Variants in RYR3 observed in about 807,000 individuals in gnomAD.
The protein encoded by RYR3 is brain ryanodine receptor-calcium release channel.
In RYR3, 207 loss-of-function variants were observed where a neutral mutation model predicts 584.3. The ratio of observed to expected loss-of-function variants is 0.35; its 90% CI spans 0.32 to 0.40. The LOEUF (loss-of-function observed/expected upper bound fraction) is 0.40. Among genes scored for constraint, RYR3 ranks in the 10% least tolerant of loss-of-function variants. The pLI is 1.00. For synonymous variants in RYR3, 2,416 were observed against 2,248.5 expected, an observed-to-expected ratio of 1.07 and a Z score of -2.11; for missense variants, 5,616 against 6,089.2, an observed-to-expected ratio of 0.92 and a Z score of 2.59.
intron 1 of RYR3, among the ~76,000 whole-genome samples, chr15:33,402,640 C>T (rs143544648): frequency 1.3e-5 from 2 of 152,326 alleles, no homozygotes; most frequent in Non-Finnish European, 2.9e-5. Flanking sequence ...AGCTTGGCTA[C>T]ATTTAAGCAC....
intron 1 of RYR3, among the ~76,000 whole-genome samples, chr15:33,405,631 A>C (rs1024256197): frequency 6.6e-6 from 1 of 152,224 alleles, no homozygotes; most frequent in African/African-American, 2.4e-5. Flanking sequence ...CTTACAAGCA[A>C]GTAAGGCACG....
At chr15:33,648,044 A>G (rs2062210080) in intron 30 of RYR3, among the ~76,000 whole-genome samples, 1 of 150,792 alleles carries the variant, frequency 6.6e-6, no homozygotes, top group Non-Finnish European at 1.5e-5. Context: ...CCCTTCTGTA[A>G]AGTTATCCAA....
chr15:33,622,093 T>G (rs1317631051), intron 19 of RYR3, among the ~76,000 whole-genome samples: 2 of 152,172 alleles, frequency 1.3e-5, no homozygotes, highest in African/African-American at 4.8e-5. Flanking sequence ...TCTGACTATT[T>G]CAAGAGTCTC....
chr15:33,720,165 C>T (rs1216428017), intron 43 of RYR3, among the ~76,000 whole-genome samples: 1 of 152,168 alleles, frequency 6.6e-6, no homozygotes, highest in Non-Finnish European at 1.5e-5. Context: ...TAGAGTGGTA[C>T]ATGCTTACAA....
In RYR3 at chr15:33,584,133, G is replaced by C. The variant is rs982978031; in HGVS notation, c.1574-262G>C. 3.3e-5 allele frequency among the ~76,000 whole-genome samples: 5 copies of C among 152,204 alleles called. No homozygotes were observed. In the East Asian group the frequency reaches 9.6e-4, roughly 29 times the overall value. On this transcript the variant is annotated intron_variant, in intron 14 of 103. Coordinates refer to ENST00000634891, the MANE Select transcript of RYR3 (RefSeq NM_001036.6). ...CATGCCTGTAGTCTCAGCTACTCTG[G>C]AGGCTGAGGCGAGAGGATCACTTAA...
At chr15:33,644,170 G>GAAGA (rs929259425) in intron 27 of RYR3, 141 bp from the exon 28 acceptor site, 10 of 650,534 alleles carry the variant, frequency 1.5e-5, no homozygotes, top group African/African-American at 5.5e-5. Context: ...TATGTGCCAG[G>GAAGA]AAGAAAGAAA....
intron 51 of RYR3, among the ~76,000 whole-genome samples, chr15:33,741,846 C>T (rs1426237157): frequency 2.6e-5 from 4 of 152,142 alleles, no homozygotes; most frequent in African/African-American, 9.7e-5. Context: ...GATTTCCTGA[C>T]CTCATGATCC....
intron 103 of RYR3, 131 bp from the exon 104 acceptor site, chr15:33,865,000 G>A (rs1323411134): frequency 3.1e-6 from 2 of 635,200 alleles, no homozygotes; most frequent in African/African-American, 1.8e-5. Flanking sequence ...GAGCAAGAAT[G>A]AATGTGCAGG....
chr15:33,634,111 G>T (rs1428611037), intron 24 of RYR3, among the ~76,000 whole-genome samples: 1 of 152,108 alleles, frequency 6.6e-6, no homozygotes, highest in East Asian at 1.9e-4. Context: ...GAGTGCAGTG[G>T]CATGACCTCA....
rs150444724 is a variant in RYR3 at position 33,353,816 on chromosome 15, G to C, written c.51+42720G>C. On this transcript the variant is annotated intron_variant, in intron 1 of 103. Coordinates refer to ENST00000634891, the MANE Select transcript of RYR3 (RefSeq NM_001036.6). ...TCTAGGGCAGATATTGCAGAAGAAG[G>C]CATCCTATATAAGAATAACACATCC... Among the ~76,000 whole-genome samples the C allele has an allele frequency of 1.6e-3, 245 of 152,052 alleles. 1 individual carries two copies. The East Asian group carries it at 0.018, about 11-fold the overall frequency.
At chr15:33,526,642 CT>C (rs35167394) in intron 3 of RYR3, among the ~76,000 whole-genome samples, 115,416 of 149,120 alleles carry the variant, frequency 0.77, 45,006 homozygotes, top group East Asian at 1. Flanking sequence ...TTCTCTATGC[CT>C]TTTTTTTTTT....
intron 61 of RYR3, among the ~76,000 whole-genome samples, 171 bp from the exon 62 acceptor site, chr15:33,768,941 C>A (rs1348422790): frequency 2.6e-5 from 4 of 152,044 alleles, no homozygotes; most frequent in African/African-American, 9.7e-5. Flanking sequence ...CATCATAAAG[C>A]AAGGCTGTGT....
At chr15:33,647,828 A>C (rs2062189587) in intron 30 of RYR3, among the ~76,000 whole-genome samples, 1 of 152,134 alleles carries the variant, frequency 6.6e-6, no homozygotes, top group Non-Finnish European at 1.5e-5. Context: ...CAGCTGCCCC[A>C]TGTCTCTGTG....
chr15:33,440,598 G>A (rs2141865339), intron 1 of RYR3, among the ~76,000 whole-genome samples: 1 of 152,238 alleles, frequency 6.6e-6, no homozygotes, highest in East Asian at 1.9e-4. Flanking sequence ...AGAATGATCT[G>A]ATCCAAAATG....
At chr15:33,853,429 G>C in intron 95 of RYR3, 126 bp from the exon 96 acceptor site, 1 of 1,220,430 alleles carries the variant, frequency 8.2e-7, no homozygotes, top group Non-Finnish European at 1.1e-6. Flanking sequence ...TCTGCATTTT[G>C]AACTATGTCT....
chr15:33,481,378 C>G (rs1485807427), intron 2 of RYR3, among the ~76,000 whole-genome samples: 4 of 152,010 alleles, frequency 2.6e-5, no homozygotes, highest in Non-Finnish European at 4.4e-5. Flanking sequence ...GGATTTTGTT[C>G]TTCTGTTTCT....
chr15:33,859,610 A>C lies in RYR3; in HGVS notation c.14178A>C (p.Ala4726=). Residue 4726 remains alanine (A), a synonymous_variant, in exon 100 of 104, where the codon GCA becomes GCC. Coordinates refer to ENST00000634891, the MANE Select transcript of RYR3 (RefSeq NM_001036.6). The part of the protein sequence containing the change: ...YLFHMYVGVR[A]GGGIGDEIED... ...TCCACATGTACGTGGGAGTGAGAGC[A>C]GGAGGTGGCATTGGTGATGAAATTG... is the stretch of plus-strand genomic sequence containing the variant. 6.2e-7 allele frequency: 1 copy of C among 1,614,038 alleles called. No homozygotes were observed. Among genetic ancestry groups the C allele is most frequent in the Middle Eastern group, 1.6e-4 (1 of 6,062 alleles).
intron 3 of RYR3, among the ~76,000 whole-genome samples, chr15:33,511,851 T>G (rs570180445): frequency 6.6e-6 from 1 of 152,368 alleles, no homozygotes; most frequent in South Asian, 2.1e-4. Context: ...CGATCTCGGC[T>G]CACTGCAAGC....
At chr15:33,666,479 T>C (rs28413876) in intron 36 of RYR3, among the ~76,000 whole-genome samples, 27,961 of 152,200 alleles carry the variant, frequency 0.18, 3,121 homozygotes, top group East Asian at 0.24. Context: ...TATTCACTTC[T>C]ACAAGGCACC....
Sources: gnomAD v4.1 joint callset for allele counts (sites outside exome capture counted in the v4.1 genomes callset) on GRCh38, gnomAD v4.1.1 for gene constraint, MANE v1.5 for transcripts, NCBI Gene and HGNC (gene_info 2026-07-23, HGNC 2026-07-21) for gene names.